GMDS: variants seen among roughly 807,000 people sequenced by gnomAD.
GMDS encodes the protein GDP-mannose 4,6-dehydratase, also known as GDP-mannose 4,6 dehydratase.
Under a neutral mutation model 49.9 loss-of-function variants are expected in GMDS, and 20 were observed. The ratio of observed to expected loss-of-function variants is 0.40; its 90% CI spans 0.28 to 0.58. The LOEUF is 0.58. Among genes scored for constraint, GMDS ranks in the 20% least tolerant of loss-of-function variants. GMDS has a pLI of 0.42. For missense variants in GMDS, 362 were observed against 481.4 expected (o/e 0.75, Z 2.32); for synonymous variants, 177 against 178.6 (o/e 0.99, Z 0.07).
At chr6:1,904,366 T>G (rs1464464621) in intron 7 of GMDS, among the ~76,000 whole-genome samples, 1 of 152,144 alleles carries the variant, frequency 6.6e-6, no homozygotes, top group Non-Finnish European at 1.5e-5. Flanking sequence ...GGGGCTGCTC[T>G]GTGTGGCCGT....
At chr6:2,102,106 T>C (rs1291721915) in intron 4 of GMDS, among the ~76,000 whole-genome samples, 2 of 152,134 alleles carry the variant, frequency 1.3e-5, no homozygotes, top group African/African-American at 4.8e-5. Context: ...TTTTGTAAGA[T>C]GTAGTCACGT....
intron 9 of GMDS, among the ~76,000 whole-genome samples, chr6:1,646,632 C>T (rs146499028): frequency 1.3e-5 from 2 of 152,344 alleles, no homozygotes; most frequent in East Asian, 3.9e-4. Context: ...AATCCACCCA[C>T]TTTGGCCTCC....
At chr6:1,878,696 A>G (rs2113818729) in intron 7 of GMDS, among the ~76,000 whole-genome samples, 1 of 152,358 alleles carries the variant, frequency 6.6e-6, no homozygotes, top group South Asian at 2.1e-4. Flanking sequence ...AATTATCAGT[A>G]AATATAAATA....
intron 2 of GMDS, among the ~76,000 whole-genome samples, chr6:2,118,053 T>C (rs1023544208): frequency 1.3e-5 from 2 of 152,256 alleles, no homozygotes; most frequent in African/African-American, 4.8e-5. Flanking sequence ...GATGTTACTA[T>C]GCAGCTAAGT....
At chr6:1,627,265 T>C (rs901528461) in intron 9 of GMDS, among the ~76,000 whole-genome samples, 2 of 152,336 alleles carry the variant, frequency 1.3e-5, no homozygotes, top group East Asian at 3.9e-4. Flanking sequence ...ATATAGTCAA[T>C]GGTTCATCCT....
Position 1,640,536 on chromosome 6 carries a change from T to A in GMDS, c.988-15996A>T, listed in dbSNP as rs1763298003. 6.6e-6 allele frequency among the ~76,000 whole-genome samples: 1 copy of A among 152,222 alleles called. No homozygotes were observed. Among genetic ancestry groups the A allele is most frequent in the Admixed American group, 6.5e-5 (1 of 15,282 alleles). ...TGAGCGGCTCTCTGAGGCTATCCCA[T>A]GCCCGTGGAACATGCTGGATGTGGC... On this transcript the variant is annotated intron_variant, in intron 9 of 10. Transcript: ENST00000380815. The surrounding 1 kb of genome is among the most constrained non-coding windows in gnomAD (Gnocchi z 4.0).
chr6:1,756,509 T>G (rs575739191), intron 7 of GMDS, among the ~76,000 whole-genome samples: 2 of 152,284 alleles, frequency 1.3e-5, no homozygotes, highest in East Asian at 3.9e-4. Context: ...TGACCTCAGG[T>G]GATCTGCCCG....
At chr6:2,073,621 T>C (rs1313507842) in intron 4 of GMDS, among the ~76,000 whole-genome samples, 1 of 152,210 alleles carries the variant, frequency 6.6e-6, no homozygotes, top group African/African-American at 2.4e-5. Context: ...ATGTTTGTAC[T>C]CATTGACCAA....
At chr6:2,024,015 C>G (rs1299774452) in intron 4 of GMDS, among the ~76,000 whole-genome samples, 1 of 151,924 alleles carries the variant, frequency 6.6e-6, no homozygotes, top group African/African-American at 2.4e-5. Context: ...TGTAATACAA[C>G]TGAGAAACAC....
chr6:1,726,947 A>C (rs949084208), intron 8 of GMDS, among the ~76,000 whole-genome samples: 24 of 151,264 alleles, frequency 1.6e-4, no homozygotes, highest in African/African-American at 5.8e-4. Context: ...AGTTTTAGGG[A>C]TATTCAGAGT....
intron 9 of GMDS, among the ~76,000 whole-genome samples, chr6:1,696,985 A>G (rs1213609759): frequency 2.0e-5 from 3 of 152,236 alleles, no homozygotes; most frequent in African/African-American, 4.8e-5. Context: ...GATGATAATT[A>G]GCTGATTGGG....
At chr6:2,200,227 T>C (rs1331737572) in intron 1 of GMDS, among the ~76,000 whole-genome samples, 1 of 151,922 alleles carries the variant, frequency 6.6e-6, no homozygotes, top group Non-Finnish European at 1.5e-5. Flanking sequence ...TGATGAAAAG[T>C]GCTATAGGAA....
intron 7 of GMDS, among the ~76,000 whole-genome samples, chr6:1,813,833 A>C (rs1770548626): frequency 6.6e-6 from 1 of 152,228 alleles, no homozygotes; most frequent in South Asian, 2.1e-4. Flanking sequence ...ATTGTCTTAT[A>C]ATTGGAAACT....
intron 1 of GMDS, among the ~76,000 whole-genome samples, chr6:2,224,388 A>G (rs759467814): frequency 1.1e-4 from 16 of 152,202 alleles, no homozygotes; most frequent in Admixed American, 5.2e-4. Context: ...CAGGGCCACA[A>G]TGACTTCTGG....
In GMDS at chr6:1,879,932, G is replaced by A. The variant is rs566089751; in HGVS notation, c.771+50171C>T. 1.9e-4 allele frequency among the ~76,000 whole-genome samples: 29 copies of A among 152,158 alleles called. 1 individual carries two copies. In the South Asian group the frequency reaches 4.8e-3, roughly 25 times the overall value. ...CTACACTGCAAGAACACATGACCTC[G>A]TCTTACATATGAGATGTTAAGGGAA... On this transcript the variant is annotated intron_variant, in intron 7 of 10. Transcript: ENST00000380815.
At chr6:1,705,204 T>C (rs9378650) in intron 9 of GMDS, among the ~76,000 whole-genome samples, 22,198 of 152,188 alleles carry the variant, frequency 0.15, 1,920 homozygotes, top group East Asian at 0.31. Flanking sequence ...AAGACAGTGG[T>C]AGAAATAGAC....
chr6:1,839,426 G>T lies in GMDS; in HGVS notation c.771+90677C>A, dbSNP rs555144211. Among the ~76,000 whole-genome samples the T allele has an allele frequency of 8.5e-5, 13 of 152,212 alleles. No individual in the cohort carries two copies. The East Asian group carries it at 2.5e-3, about 29-fold the overall frequency. ...TCTGTAAGGTGGTAATCCAGTATTG[G>T]TTGTTAGCTGTCAAATTTATTTCCC... On this transcript the variant is annotated intron_variant, in intron 7 of 10. Coordinates refer to ENST00000380815, the MANE Select transcript of GMDS (RefSeq NM_001500.4).
At chr6:1,999,974 ATATATATTT>A (rs1308911006) in intron 4 of GMDS, among the ~76,000 whole-genome samples, 1,699 of 27,826 alleles carry the variant, frequency 0.061, 299 homozygotes, top group African/African-American at 0.2. Context: ...TATATATTAT[ATATATATTT>A]TATATATATA....
At chr6:2,086,366 A>C (rs73412601) in intron 4 of GMDS, among the ~76,000 whole-genome samples, 1,917 of 152,326 alleles carry the variant, frequency 0.013, 32 homozygotes, top group African/African-American at 0.042. Flanking sequence ...CATTGATCTT[A>C]CACAATAGAA....
Sources: allele counts gnomAD v4.1 joint callset (sites outside exome capture counted in the v4.1 genomes callset), GRCh38; gene constraint gnomAD v4.1.1; non-coding constraint Gnocchi (gnomAD v3.1); transcripts MANE v1.5; gene names NCBI Gene and HGNC (gene_info 2026-07-23, HGNC 2026-07-21).